The following PCDH9 variants were observed in gnomAD, a reference collection of about 807,000 sequenced individuals.
PCDH9 encodes the protein protocadherin-9.
A neutral mutation model predicts 70.6 loss-of-function variants in PCDH9; 24 were observed. The observed-to-expected ratio is 0.34, with a 90% CI of 0.25 to 0.48. The LOEUF is 0.48. Among genes scored for constraint, PCDH9 ranks in the 20% least tolerant of loss-of-function variants. PCDH9 has a pLI of 0.99. For missense variants in PCDH9, 1,281 were observed against 1,503.6 expected (o/e 0.85, Z 2.45); for synonymous variants, 562 against 558.5 (o/e 1.01, Z -0.09).
At chr13:66,490,551 C>T (rs920600980) in intron 4 of PCDH9, among the ~76,000 whole-genome samples, 1 of 152,090 alleles carries the variant, frequency 6.6e-6, no homozygotes, top group Non-Finnish European at 1.5e-5. Context: ...TCTATTACCT[C>T]GATTTCTGTG....
At chr13:66,623,167 G>A (rs943688005) in intron 4 of PCDH9, among the ~76,000 whole-genome samples, 2 of 152,256 alleles carry the variant, frequency 1.3e-5, no homozygotes, top group Non-Finnish European at 2.9e-5. Flanking sequence ...CTTGAAGTCA[G>A]TCAGACCAAC....
Position 66,898,286 on chromosome 13 carries a change from T to A in PCDH9, c.3138+5218A>T, listed in dbSNP as rs141277736. On this transcript the variant is annotated intron_variant, in intron 3 of 4. Transcript: ENST00000377865. ...TATTTAAGTATGTAAATAACATATATGTGTGTGTATATGTGTCATTTACTA... is the reference window on the plus strand; with the variant it reads ...TATTTAAGTATGTAAATAACATATAAGTGTGTGTATATGTGTCATTTACTA... Among the ~76,000 whole-genome samples the A allele has an allele frequency of 2.2e-3, 328 of 152,158 alleles. 2 individuals carry two copies. The highest frequency in any genetic ancestry group is 7.7e-3 in the African/African-American group (319 of 41,560).
At chr13:66,765,637 T>C (rs78693279) in intron 3 of PCDH9, among the ~76,000 whole-genome samples, 4,131 of 152,200 alleles carry the variant, frequency 0.027, 193 homozygotes, top group African/African-American at 0.091. Context: ...AATTGCTGTC[T>C]GTAAAGCATA....
intron 2 of PCDH9, among the ~76,000 whole-genome samples, chr13:66,997,738 T>C (rs1301359707): frequency 6.6e-6 from 1 of 152,148 alleles, no homozygotes; most frequent in African/African-American, 2.4e-5. Flanking sequence ...TTTCACCATG[T>C]TGGCCAGGCT....
intron 4 of PCDH9, among the ~76,000 whole-genome samples, chr13:66,554,929 G>A (rs1045364876): frequency 1.3e-5 from 2 of 152,090 alleles, no homozygotes; most frequent in Non-Finnish European, 2.9e-5. Context: ...TAGCACTTTG[G>A]GAGGCCGAGG....
chr13:66,418,778 C>CA (rs1038776079), intron 4 of PCDH9, among the ~76,000 whole-genome samples: 25 of 151,842 alleles, frequency 1.6e-4, no homozygotes, highest in Middle Eastern at 3.4e-3. Context: ...AAAAGACCTT[C>CA]AAAAAAATCA....
intron 3 of PCDH9, among the ~76,000 whole-genome samples, chr13:66,884,792 A>ATG (rs2081981204): frequency 6.6e-6 from 1 of 152,182 alleles, no homozygotes; most frequent in South Asian, 2.1e-4. Context: ...TTCATCTCCC[A>ATG]AAACATTACT....
At chr13:66,396,066 G>A (rs889788304) in intron 4 of PCDH9, among the ~76,000 whole-genome samples, 1 of 152,152 alleles carries the variant, frequency 6.6e-6, no homozygotes, top group African/African-American at 2.4e-5. Context: ...GGAAGGTTGA[G>A]TTTGTATATA....
chr13:66,935,811 T>C (rs1234425986), intron 2 of PCDH9, among the ~76,000 whole-genome samples: 1 of 152,160 alleles, frequency 6.6e-6, no homozygotes, highest in Non-Finnish European at 1.5e-5. Flanking sequence ...CCGGGCACCA[T>C]GGCTCATGCC....
At chr13:66,955,961 A>T (rs2083260430) in intron 2 of PCDH9, among the ~76,000 whole-genome samples, 1 of 152,116 alleles carries the variant, frequency 6.6e-6, no homozygotes, top group Admixed American at 6.6e-5. Context: ...ATATAGCAAG[A>T]TGTGGTGGCC....
intron 4 of PCDH9, among the ~76,000 whole-genome samples, chr13:66,427,664 C>T (rs536463148): frequency 1.3e-5 from 2 of 151,844 alleles, no homozygotes; most frequent in East Asian, 1.9e-4. Context: ...CTTTTAGCCT[C>T]TTCCCACCTT....
intron 3 of PCDH9, among the ~76,000 whole-genome samples, chr13:66,867,196 G>A (rs2081591856): frequency 6.6e-6 from 1 of 151,960 alleles, no homozygotes; most frequent in Non-Finnish European, 1.5e-5. Context: ...CAAAGTAAGT[G>A]TTACTCACAG....
chr13:67,221,705 A>G (rs2138117988), intron 2 of PCDH9: 1 of 152,202 alleles, frequency 6.6e-6, no homozygotes, highest in East Asian at 1.9e-4. Context: ...CCCACCCCCA[A>G]AAAACCACAC....
chr13:66,530,452 C>T (rs1203544832), intron 4 of PCDH9, among the ~76,000 whole-genome samples: 2 of 151,900 alleles, frequency 1.3e-5, no homozygotes, highest in Non-Finnish European at 2.9e-5. Flanking sequence ...TTTTGAGATT[C>T]TTATCTCTGT....
intron 4 of PCDH9, among the ~76,000 whole-genome samples, chr13:66,614,047 T>C (rs1348406635): frequency 2.6e-5 from 2 of 76,986 alleles, no homozygotes; most frequent in African/African-American, 7.6e-5. Context: ...AGGCCAACCT[T>C]AGCTACACTT....
At chr13:66,871,437 A>C (rs1029557321) in intron 3 of PCDH9, among the ~76,000 whole-genome samples, 1 of 151,600 alleles carries the variant, frequency 6.6e-6, no homozygotes, top group Non-Finnish European at 1.5e-5. Context: ...AATTAAAAAA[A>C]ATCAAAGTCC....
Position 66,427,793 on chromosome 13 carries a change from C to G in PCDH9, c.3341-122765G>C, listed in dbSNP as rs575640276. ...TCTTTGTATCAGGTATTCTCTTACACAACTTATTCACAGTAAGCTGTCATC... is the reference window on the plus strand; with the variant it reads ...TCTTTGTATCAGGTATTCTCTTACAGAACTTATTCACAGTAAGCTGTCATC... On this transcript the variant is annotated intron_variant, in intron 4 of 4. Transcript: ENST00000377865. Among the ~76,000 whole-genome samples, 6 of 151,794 alleles carry G rather than the reference C, an allele frequency of 4.0e-5. No homozygotes were observed. In the East Asian group the frequency reaches 1.2e-3, roughly 29 times the overall value.
chr13:66,834,794 G>A (rs914403798), intron 3 of PCDH9, among the ~76,000 whole-genome samples: 3 of 152,198 alleles, frequency 2.0e-5, no homozygotes, highest in Non-Finnish European at 4.4e-5. Flanking sequence ...ACATCTGTAA[G>A]TGAAGCTTCC....
chr13:66,803,456 C>T (rs1480159284), intron 3 of PCDH9, among the ~76,000 whole-genome samples: 1 of 152,128 alleles, frequency 6.6e-6, no homozygotes, highest in Non-Finnish European at 1.5e-5. Context: ...TAATGCTCCT[C>T]ACCAGGCACT....
Sources: gnomAD v4.1 joint callset for allele counts (sites outside exome capture counted in the v4.1 genomes callset) on GRCh38, gnomAD v4.1.1 for gene constraint, MANE v1.5 for transcripts, NCBI Gene and HGNC (gene_info 2026-07-23, HGNC 2026-07-21) for gene names.